KAZN: variants seen among roughly 807,000 people sequenced by gnomAD.
The protein encoded by KAZN is kazrin, periplakin interacting protein, also known as kazrin.
In KAZN, 40 loss-of-function variants were observed where a neutral mutation model predicts 87.4. The observed-to-expected ratio is 0.46, with a 90% CI of 0.36 to 0.60. KAZN has a LOEUF of 0.60. Ranked by LOEUF, KAZN falls within the 20% of genes least tolerant of loss-of-function variation. The probability of loss-of-function intolerance (pLI) is 0.00; values close to 1 mark genes in which losing one functional copy is unlikely to be tolerated. For synonymous variants in KAZN, 466 were observed against 458.3 expected (o/e 1.02, Z -0.22); for missense variants, 898 against 1,073.9 (o/e 0.84, Z 2.29).
At chr1:14,890,840 C>CTTTTTTTTTTTTTTTTTTTTT (rs34718502) in intron 1 of KAZN, among the ~76,000 whole-genome samples, 1 of 69,676 alleles carries the variant, frequency 1.4e-5, no homozygotes. Context: ...GGAATCTGGA[C>CTTTTTTTTTTTTTTTTTTTTT]TTTTTTTTTT....
chr1:14,012,872 T>C (rs1640379870), intron 1 of KAZN, among the ~76,000 whole-genome samples: 1 of 152,222 alleles, frequency 6.6e-6, no homozygotes, highest in African/African-American at 2.4e-5. Context: ...GCTCCTTTCA[T>C]TTTCTCCTTT....
intron 1 of KAZN, among the ~76,000 whole-genome samples, chr1:14,803,993 C>G (rs1399019282): frequency 6.6e-6 from 1 of 152,240 alleles, no homozygotes; most frequent in Non-Finnish European, 1.5e-5. Flanking sequence ...CTCACCCAGT[C>G]CCTGTCCTTT....
In KAZN at chr1:14,445,246, G is replaced by A. The variant is rs565949250; in HGVS notation, c.250-153737G>A. ...TCACCATGTTGGCCAGGCTGGTCTC[G>A]AACTCCTGACCTCAGGTGATCCGCC... On this transcript the variant is annotated intron_variant, in intron 2 of 16. Transcript: ENST00000636203. Among the ~76,000 whole-genome samples the A allele has an allele frequency of 7.9e-5, 12 of 152,044 alleles. No homozygotes were observed. The South Asian group carries it at 1.9e-3, about 24-fold the overall frequency.
chr1:14,171,118 A>G (rs1409203001), intron 1 of KAZN, among the ~76,000 whole-genome samples: 1 of 152,236 alleles, frequency 6.6e-6, no homozygotes, highest in East Asian at 1.9e-4. Context: ...ATGCAGCAGC[A>G]CTTCATTCCT....
At chr1:14,493,201 A>T (rs559675592) in intron 2 of KAZN, among the ~76,000 whole-genome samples, 1 of 151,998 alleles carries the variant, frequency 6.6e-6, no homozygotes, top group African/African-American at 2.4e-5. Flanking sequence ...CCCGTGCTGT[A>T]CACTCATCTG....
intron 2 of KAZN, among the ~76,000 whole-genome samples, chr1:14,210,950 T>C (rs72865737): frequency 0.018 from 2,744 of 152,046 alleles, 85 homozygotes; most frequent in African/African-American, 0.063. Flanking sequence ...GTACACTCAT[T>C]GGAGAATAAG....
In KAZN at chr1:14,773,956, T is replaced by G. The variant is rs1481921620; in HGVS notation, c.226+174733T>G. Among the ~76,000 whole-genome samples the G allele has an allele frequency of 6.6e-6, 1 of 152,202 alleles. No homozygotes were observed. The highest frequency in any genetic ancestry group is 1.5e-5 in the Non-Finnish European group (1 of 68,036). ...AAAGTGGTTCTCACCGCCAAAGCCC[T>G]CCAGCCCATGGCTGCTGCCAACCAA... On this transcript the variant is annotated intron_variant, in intron 1 of 14. Coordinates refer to ENST00000376030, the MANE Select transcript of KAZN (RefSeq NM_201628.3). The surrounding 1 kb of genome is among the most constrained non-coding windows in gnomAD (Gnocchi z 5.9).
chr1:14,442,025 C>G (rs533279367), intron 2 of KAZN, among the ~76,000 whole-genome samples: 65 of 152,300 alleles, frequency 4.3e-4, no homozygotes, highest in African/African-American at 1.5e-3. Flanking sequence ...AGCTGAGGAG[C>G]AAGTGGGAGC....
chr1:14,203,080 C>T (rs758018260), intron 2 of KAZN, among the ~76,000 whole-genome samples: 1 of 151,574 alleles, frequency 6.6e-6, no homozygotes, highest in South Asian at 2.1e-4. Context: ...ATAAGGAATT[C>T]TTATGATAAA....
At chr1:14,421,004 C>G (rs901305497) in intron 2 of KAZN, among the ~76,000 whole-genome samples, 3 of 151,872 alleles carry the variant, frequency 2.0e-5, no homozygotes, top group African/African-American at 7.3e-5. Context: ...CTGAAGGGCT[C>G]CTCAAGCGCG....
chr1:14,960,948 G>T, intron 2 of KAZN, 73 bp downstream of exon 2: 1 of 1,476,176 alleles, frequency 6.8e-7, no homozygotes, highest in Non-Finnish European at 9.1e-7. Context: ...TCCCCATGCA[G>T]GGGAAGTGAC....
chr1:15,096,336 T>G lies in KAZN; in HGVS notation c.1547+1403T>G, dbSNP rs886310812. On this transcript the variant is annotated intron_variant, in intron 10 of 14. Coordinates refer to ENST00000376030, the MANE Select transcript of KAZN (RefSeq NM_201628.3). The surrounding 1 kb of genome is among the most constrained non-coding windows in gnomAD (Gnocchi z 4.5). ...TTCTTCTTTTCTTTTCATAGATTAC[T>G]TTTGTAGTGGGGGCAAGGGCAGAAA... 1.3e-5 allele frequency among the ~76,000 whole-genome samples: 2 copies of G among 152,268 alleles called. No individual in the cohort carries two copies. The highest frequency in any genetic ancestry group is 2.9e-5 in the Non-Finnish European group (2 of 68,044).
chr1:14,650,527 T>C (rs879298299), intron 1 of KAZN, among the ~76,000 whole-genome samples: 2 of 152,134 alleles, frequency 1.3e-5, no homozygotes, highest in Non-Finnish European at 2.9e-5. Context: ...GCCTGGGGGA[T>C]AGAGTGAAAC....
intron 2 of KAZN, among the ~76,000 whole-genome samples, chr1:14,498,799 T>C (rs941616052): frequency 6.6e-6 from 1 of 151,978 alleles, no homozygotes; most frequent in Non-Finnish European, 1.5e-5. Context: ...CTCCAAGCCA[T>C]GGGTTGGCCA....
chr1:14,731,526 T>TG (rs2100364663), intron 1 of KAZN, among the ~76,000 whole-genome samples: 1 of 152,354 alleles, frequency 6.6e-6, no homozygotes, highest in South Asian at 2.1e-4. Flanking sequence ...CAGAAGGTTT[T>TG]GCTTCTGGGT....
At chr1:14,975,449 A>G (rs1665498497) in intron 2 of KAZN, among the ~76,000 whole-genome samples, 1 of 152,198 alleles carries the variant, frequency 6.6e-6, no homozygotes, top group African/African-American at 2.4e-5. Flanking sequence ...ACCAGCTTAG[A>G]GAGGAACGTT....
At chr1:14,764,146 G>A (rs566537313) in intron 1 of KAZN, among the ~76,000 whole-genome samples, 1 of 152,164 alleles carries the variant, frequency 6.6e-6, no homozygotes, top group Non-Finnish European at 1.5e-5. Context: ...TTGGTAGGTG[G>A]GCCTCCTGGG....
At chr1:15,070,571 A>G (rs1189821143) in intron 8 of KAZN, among the ~76,000 whole-genome samples, 2 of 152,236 alleles carry the variant, frequency 1.3e-5, no homozygotes, top group Non-Finnish European at 2.9e-5. Context: ...CACCTGTGAC[A>G]AACGGTATCG....
At position 15,021,985 on chromosome 1, in the gene KAZN, C is replaced by T. The variant is rs944716911; in HGVS notation, c.419-12764C>T. Among the ~76,000 whole-genome samples the T allele has an allele frequency of 1.3e-5, 2 of 152,140 alleles. No homozygotes were observed. Among genetic ancestry groups the T allele is most frequent in the Admixed American group, 6.5e-5 (1 of 15,282 alleles). On this transcript the variant is annotated intron_variant, in intron 2 of 14. Coordinates refer to ENST00000376030, the MANE Select transcript of KAZN (RefSeq NM_201628.3). The surrounding 1 kb of genome is among the most constrained non-coding windows in gnomAD (Gnocchi z 4.2). The stretch of plus-strand genomic sequence containing the variant: ...GAGAGCCAGGGGAAAACCATCAGAT[C>T]TCGTGAGACTTATTCACTGCCATGA...
Sources: allele counts gnomAD v4.1 joint callset (sites outside exome capture counted in the v4.1 genomes callset), GRCh38; gene constraint gnomAD v4.1.1; non-coding constraint Gnocchi (gnomAD v3.1); transcripts MANE v1.5; gene names NCBI Gene and HGNC (gene_info 2026-07-23, HGNC 2026-07-21).